The following SLC35F1 variants were observed in gnomAD, a reference collection of about 807,000 sequenced individuals.
SLC35F1 encodes chromosome 6 open reading frame 169.
SLC35F1 carries 14 observed loss-of-function variants against 48.7 expected under a neutral mutation model. That is an observed-to-expected ratio of 0.29 (90% CI 0.19 to 0.45). The LOEUF (loss-of-function observed/expected upper bound fraction) is 0.45, where lower values mean the gene tolerates loss of function less well. SLC35F1 is among the 20% of genes least tolerant of loss of function. The pLI is 1.00. For missense variants in SLC35F1, 404 were observed against 500.0 expected (o/e 0.81, Z 1.83); for synonymous variants, 190 against 202.2 (o/e 0.94, Z 0.51).
intron 1 of SLC35F1, among the ~76,000 whole-genome samples, chr6:117,995,898 G>T (rs912026974): frequency 1.3e-5 from 2 of 152,146 alleles, no homozygotes; most frequent in Admixed American, 6.5e-5. Flanking sequence ...ATTTGAAAGT[G>T]AGAAAAGAAA....
chr6:117,944,592 T>A (rs2760229), intron 1 of SLC35F1, among the ~76,000 whole-genome samples: 1 of 135,900 alleles, frequency 7.4e-6, no homozygotes, highest in African/African-American at 2.7e-5. Flanking sequence ...CACATACACA[T>A]ACACACACAC....
intron 1 of SLC35F1, among the ~76,000 whole-genome samples, chr6:118,049,036 A>G (rs1772343520): frequency 6.6e-6 from 1 of 152,158 alleles, no homozygotes; most frequent in Non-Finnish European, 1.5e-5. Context: ...ATGGAACAGA[A>G]CAGAGCCCTC....
At chr6:118,161,961 C>A (rs1774242300) in intron 2 of SLC35F1, among the ~76,000 whole-genome samples, 1 of 152,176 alleles carries the variant, frequency 6.6e-6, no homozygotes, top group African/African-American at 2.4e-5. Context: ...TGGAAAATAG[C>A]TTGTCATTGT....
intron 1 of SLC35F1, among the ~76,000 whole-genome samples, chr6:118,128,519 G>A (rs1582681368): frequency 6.6e-6 from 1 of 152,134 alleles, no homozygotes; most frequent in African/African-American, 2.4e-5. Flanking sequence ...TAGGGACATG[G>A]ATGAAATTGG....
chr6:118,057,830 A>G (rs1772484605), intron 1 of SLC35F1, among the ~76,000 whole-genome samples: 1 of 152,204 alleles, frequency 6.6e-6, no homozygotes, highest in African/African-American at 2.4e-5. Context: ...GAAGGAAAAG[A>G]CATTTGAGGA....
chr6:117,913,135 T>A (rs1026507179), intron 1 of SLC35F1, among the ~76,000 whole-genome samples: 23 of 152,244 alleles, frequency 1.5e-4, no homozygotes, highest in African/African-American at 5.3e-4. Context: ...AGCTTGCTTG[T>A]TCATTTGCGT....
chr6:118,240,676 A>G (rs1195733337), intron 3 of SLC35F1, among the ~76,000 whole-genome samples: 1 of 152,240 alleles, frequency 6.6e-6, no homozygotes, highest in Non-Finnish European at 1.5e-5. Flanking sequence ...TGTCAAAGCA[A>G]TCTAACCCAA....
rs139538427 is a variant in SLC35F1, at chr6:118,063,993, A to T, written c.174-90452A>T. Among the ~76,000 whole-genome samples the T allele has an allele frequency of 9.2e-3, 1,406 of 152,342 alleles. 25 individuals carry two copies. Among genetic ancestry groups the T allele is most frequent in the African/African-American group, 0.033 (1,352 of 41,580 alleles). On this transcript the variant is annotated intron_variant, in intron 1 of 7. Transcript: ENST00000360388. ...GTCTGTTTTCACACTGCTGATAAAG[A>T]CATACCTGAGACTGGGCAATTTACA...
At chr6:118,177,187 C>T (rs181687372) in intron 2 of SLC35F1, among the ~76,000 whole-genome samples, 3 of 152,170 alleles carry the variant, frequency 2.0e-5, no homozygotes, top group East Asian at 3.9e-4. Flanking sequence ...CTTGATAGGT[C>T]CTATTTTCTA....
intron 1 of SLC35F1, among the ~76,000 whole-genome samples, chr6:118,100,265 T>A (rs1361939366): frequency 6.6e-6 from 1 of 152,064 alleles, no homozygotes; most frequent in Admixed American, 6.6e-5. Context: ...TACACCTCAA[T>A]AAAATGGTCC....
intron 2 of SLC35F1, among the ~76,000 whole-genome samples, chr6:118,194,831 C>T (rs756423420): frequency 1.3e-5 from 2 of 152,114 alleles, no homozygotes. Flanking sequence ...CTGAATGGCC[C>T]TAGCGACCCT....
chr6:118,031,535 C>A (rs1257110231), intron 1 of SLC35F1, among the ~76,000 whole-genome samples: 2 of 152,144 alleles, frequency 1.3e-5, no homozygotes, highest in African/African-American at 4.8e-5. Context: ...CCTAGTGATG[C>A]AGGACAGGGG....
rs185520784 is a variant in SLC35F1 at position 117,953,696 on chromosome 6, A to G, written c.173+45797A>G. Among the ~76,000 whole-genome samples, 48 of 152,294 alleles carry G rather than the reference A, an allele frequency of 3.2e-4. 1 individual carries two copies. Among genetic ancestry groups the G allele is most frequent in the Non-Finnish European group, 5.3e-4 (36 of 68,018 alleles). On this transcript the variant is annotated intron_variant, in intron 1 of 7. Transcript: ENST00000360388. Reference sequence around the variant, plus strand: ...AGCAGACATTTGTAGTTACATTTGTATTTGTCTTATAAGTGAATGTTCCAG... The same window carrying G: ...AGCAGACATTTGTAGTTACATTTGTGTTTGTCTTATAAGTGAATGTTCCAG...
chr6:118,181,211 C>G (rs556740774), intron 2 of SLC35F1, among the ~76,000 whole-genome samples: 1 of 152,086 alleles, frequency 6.6e-6, no homozygotes, highest in South Asian at 2.1e-4. Context: ...ATATGGCAAA[C>G]ATGAAGGCAA....
At chr6:117,975,859 T>G (rs1776698863) in intron 1 of SLC35F1, among the ~76,000 whole-genome samples, 1 of 152,232 alleles carries the variant, frequency 6.6e-6, no homozygotes, top group Non-Finnish European at 1.5e-5. Flanking sequence ...CTATCATTTC[T>G]GAAAGACTTG....
At chr6:118,289,718 C>CAATCA (rs1283829936) in intron 7 of SLC35F1, among the ~76,000 whole-genome samples, 1 of 152,080 alleles carries the variant, frequency 6.6e-6, no homozygotes, top group African/African-American at 2.4e-5. Context: ...CCATACCTTA[C>CAATCA]AATCACATGG....
chr6:117,966,143 A>T (rs866359684), intron 1 of SLC35F1, among the ~76,000 whole-genome samples: 1 of 39,468 alleles, frequency 2.5e-5, no homozygotes, highest in Non-Finnish European at 5.7e-5. Flanking sequence ...CCCCCCCCCC[A>T]CTCCCGCCCC....
chr6:117,934,861 C>G (rs1353431062), intron 1 of SLC35F1, among the ~76,000 whole-genome samples: 3 of 152,088 alleles, frequency 2.0e-5, no homozygotes, highest in Admixed American at 1.3e-4. Flanking sequence ...CATCCCAGAA[C>G]TTTGGGAGGC....
intron 1 of SLC35F1, among the ~76,000 whole-genome samples, chr6:118,110,113 T>C (rs1773378308): frequency 6.6e-6 from 1 of 152,188 alleles, no homozygotes. Context: ...ATCTATGCCA[T>C]GGATCTCTTG....
Sources: allele counts gnomAD v4.1 joint callset (sites outside exome capture counted in the v4.1 genomes callset), GRCh38; gene constraint gnomAD v4.1.1; transcripts MANE v1.5; gene names NCBI Gene and HGNC (gene_info 2026-07-23, HGNC 2026-07-21).